LRATD1: variants seen among roughly 807,000 people sequenced by gnomAD.
LRATD1 encodes the protein protein LRATD1.
LRATD1 carries 8 observed loss-of-function variants against 21.3 expected under a neutral mutation model. The ratio of observed to expected loss-of-function variants is 0.38; its 90% CI spans 0.22 to 0.68. The LOEUF is 0.68. LRATD1 is among the 30% of genes least tolerant of loss of function. The pLI, the probability that LRATD1 is intolerant of heterozygous loss-of-function variation, is 0.54. For synonymous variants in LRATD1, 210 were observed against 186.2 expected (o/e 1.13, Z -1.04); for missense variants, 380 against 404.0 (o/e 0.94, Z 0.51).
chr2:14,644,325 G>C (rs1671859379), downstream of LRATD1, among the ~76,000 whole-genome samples: 1 of 151,958 alleles, frequency 6.6e-6, no homozygotes, highest in Non-Finnish European at 1.5e-5. Context: ...TGGCATATTT[G>C]GATGATGTTT....
chr2:14,644,179 C>T (rs1671857405), downstream of LRATD1, among the ~76,000 whole-genome samples: 1 of 151,868 alleles, frequency 6.6e-6, no homozygotes, highest in African/African-American at 2.4e-5. Context: ...GACAGGCCCA[C>T]TATTAGCTAT....
At chr2:14,651,540 A>G (rs1672005979), downstream of LRATD1, among the ~76,000 whole-genome samples, 1 of 152,036 alleles carries the variant, frequency 6.6e-6, no homozygotes. Flanking sequence ...CACAATTCCC[A>G]TCCATACTTG....
At chr2:14,647,460 T>C (rs1441877222) in intron 4 of LRATD1, among the ~76,000 whole-genome samples, 1 of 152,110 alleles carries the variant, frequency 6.6e-6, no homozygotes, top group African/African-American at 2.4e-5. Context: ...AATGAATATA[T>C]GAACTACTTG....
Position 14,639,485 on chromosome 2 carries a change from C to A in LRATD1, c.*4627C>A, listed in dbSNP as rs909520697. On this transcript the variant is annotated 3_prime_UTR_variant, in exon 2 of 2. Transcript: ENST00000295092. ...GAAGACACTAAAGAGAAGCTAAGAT[C>A]CTATCTTTCAATCATTTAGTAATTC... The A allele has an allele frequency of 2.4e-5, 4 of 166,882 alleles. No homozygotes were observed. Among genetic ancestry groups the A allele is most frequent in the African/African-American group, 9.6e-5 (4 of 41,558 alleles). 10.3% of individuals were successfully genotyped at this position (166,882 alleles called of 1,614,324 possible). A position where few individuals can be genotyped will look rare whatever the true frequency, so the allele number is the denominator to read the frequency against.
downstream of LRATD1, among the ~76,000 whole-genome samples, chr2:14,642,840 G>A (rs1275136046): frequency 6.6e-6 from 1 of 152,138 alleles, no homozygotes; most frequent in Non-Finnish European, 1.5e-5. Flanking sequence ...TTATATTGAT[G>A]TGTTCCTTGG....
chr2:14,633,889 C>G lies in LRATD1; in HGVS notation c.-36-55C>G. ...GCACTGCACGTCTTGGGGAGGGACA[C>G]CGAAAGGGGCAGCCCGGACTCTGAC... is the stretch of plus-strand genomic sequence containing the variant. On this transcript the variant is annotated intron_variant, in intron 1 of 1. Coordinates refer to ENST00000295092, the MANE Select transcript of LRATD1 (RefSeq NM_145175.4). This position sits in a 1 kb window ranked among gnomAD's most constrained non-coding sequence, Gnocchi z 7.5. 6.7e-7 allele frequency: 1 copy of G among 1,484,464 alleles called. No individual in the cohort carries two copies. The highest frequency in any genetic ancestry group is 9.1e-7 in the Non-Finnish European group (1 of 1,104,426). The allele number at this position is 1,484,464 out of a possible 1,614,324, so 92.0% of individuals were successfully genotyped here.
rs977039158 is a variant in LRATD1, at chr2:14,639,661, C to G, written c.*4803C>G. 6.0e-6 allele frequency: 1 copy of G among 167,122 alleles called. No homozygotes were observed. The highest frequency in any genetic ancestry group is 1.5e-5 in the Non-Finnish European group (1 of 68,126). 10.4% of individuals were successfully genotyped at this position (167,122 alleles called of 1,614,324 possible). On this transcript the variant is annotated 3_prime_UTR_variant, in exon 2 of 2. Coordinates refer to ENST00000295092, the MANE Select transcript of LRATD1 (RefSeq NM_145175.4). Reference sequence around the variant, plus strand: ...CCTGCCCTTGTCACTGATGGTGACACTACTTGTAATTACTGTATTTTTTGG... The same window carrying G: ...CCTGCCCTTGTCACTGATGGTGACAGTACTTGTAATTACTGTATTTTTTGG...
rs919415803 is a variant in LRATD1 at position 14,634,195 on chromosome 2, C to T, written c.216C>T (p.His72=). The T allele has an allele frequency of 6.2e-7, 1 of 1,613,294 alleles. No homozygotes were observed. The change falls in exon 2 of 2, where the codon CAC becomes CAT. Residue 72 remains histidine, a synonymous_variant. Transcript: ENST00000295092. The part of the protein sequence containing the change: ...TPCPESPSRH[H]HHLLHQLVLN... ...GCCCGGAGAGCCCCAGCCGCCACCA[C>T]CACCACCTGCTGCACCAGCTGGTCC...
At chr2:14,644,283 C>T (rs373294721), downstream of LRATD1, among the ~76,000 whole-genome samples, 5 of 152,056 alleles carry the variant, frequency 3.3e-5, no homozygotes, top group Non-Finnish European at 4.4e-5. Flanking sequence ...TGAAGGTATA[C>T]ATCAGCTTCA....
downstream of LRATD1, among the ~76,000 whole-genome samples, chr2:14,650,974 C>G (rs1671994590): frequency 6.6e-6 from 1 of 152,098 alleles, no homozygotes; most frequent in Admixed American, 6.6e-5. Flanking sequence ...ATGTTCATGG[C>G]CTGTCACAAT....
Position 14,634,867 on chromosome 2 carries a change from G to A in LRATD1, c.*9G>A, listed in dbSNP as rs1245177025. ...TGGACGACAAGGAGTAGCCGCCTAGGGGCTGCCGGCCCCTCTGCCTCCCCC... is the reference window on the plus strand; with the variant it reads ...TGGACGACAAGGAGTAGCCGCCTAGAGGCTGCCGGCCCCTCTGCCTCCCCC... On this transcript the variant is annotated 3_prime_UTR_variant, in exon 2 of 2. Transcript: ENST00000295092. The A allele has an allele frequency of 1.2e-6, 2 of 1,604,574 alleles. No homozygotes were observed.
chr2:14,633,805 A>G lies in LRATD1; in HGVS notation c.-36-139A>G. On this transcript the variant is annotated intron_variant, in intron 1 of 1. Transcript: ENST00000295092. The surrounding 1 kb of genome is among the most constrained non-coding windows in gnomAD (Gnocchi z 7.5). ...TCGTACCCCTGGGGAGGCACGGAGG[A>G]CTCGGCTGGAAAGGGTGACTCCGGT... 1.2e-6 allele frequency: 1 copy of G among 820,684 alleles called. No individual in the cohort carries two copies. The highest frequency in any genetic ancestry group is 2.7e-5 in the East Asian group (1 of 37,022). 50.8% of individuals were successfully genotyped at this position (820,684 alleles called of 1,614,324 possible).
At chr2:14,645,960 C>A (rs1353503378) in intron 2 of LRATD1, 1 of 152,172 alleles carries the variant, frequency 6.6e-6, no homozygotes, top group Non-Finnish European at 1.5e-5. Context: ...AAGGGGAAAA[C>A]ACCCAACTCA....
intron 2 of LRATD1, among the ~76,000 whole-genome samples, chr2:14,645,203 T>C (rs1671873000): frequency 6.6e-6 from 1 of 152,208 alleles, no homozygotes; most frequent in Non-Finnish European, 1.5e-5. Flanking sequence ...TAGCATTGGC[T>C]TTCTAAATGC....
In LRATD1 at chr2:14,635,037, C is replaced by A; in HGVS notation, c.*179C>A. ...TCCCCAAGCCAGCGGCAGGAAGTCT[C>A]AGGAACTGCCCCAGGGCCGAAAGGG... is the stretch of plus-strand genomic sequence containing the variant. On this transcript the variant is annotated 3_prime_UTR_variant, in exon 2 of 2. Transcript: ENST00000295092. The A allele has an allele frequency of 1.1e-6, 1 of 926,830 alleles. No homozygotes were observed. The highest frequency in any genetic ancestry group is 1.7e-6 in the Non-Finnish European group (1 of 587,048). The allele number at this position is 926,830 out of a possible 1,614,324, so 57.4% of individuals were successfully genotyped here. A position where few individuals can be genotyped will look rare whatever the true frequency, so the allele number is the denominator to read the frequency against.
chr2:14,647,420 C>T (rs1271722143), intron 4 of LRATD1, among the ~76,000 whole-genome samples: 1 of 152,018 alleles, frequency 6.6e-6, no homozygotes, highest in Non-Finnish European at 1.5e-5. Flanking sequence ...TAGAGGTGCT[C>T]TGAGGACAAT....
In LRATD1 at chr2:14,634,478, T is replaced by G; in HGVS notation, c.499T>G (p.Tyr167Asp). The G allele has an allele frequency of 6.6e-7, 1 of 1,514,580 alleles. No individual in the cohort carries two copies. Among genetic ancestry groups the G allele is most frequent in the Non-Finnish European group, 8.8e-7 (1 of 1,133,102 alleles). 93.8% of individuals were successfully genotyped at this position (1,514,580 alleles called of 1,614,324 possible). ...HQGEIRQDSL[Y>D]EAGAANVGRV... is the part of the protein sequence containing the mutation. ...AGGCGAGATCCGCCAGGACAGCCTG[T>G]ATGAGGCGGGCGCGGCCAACGTGGG... The change falls in exon 2 of 2, where the codon TAT (tyrosine) becomes GAT (aspartate). Residue 167 changes from tyrosine to aspartate, a missense_variant. Transcript: ENST00000295092.
downstream of LRATD1, among the ~76,000 whole-genome samples, chr2:14,643,313 T>A (rs1005279295): frequency 1.3e-5 from 2 of 152,166 alleles, no homozygotes; most frequent in African/African-American, 4.8e-5. Context: ...AAACAAAGGC[T>A]CTAAATCCAG....
At chr2:14,651,730 G>A (rs1244938977), downstream of LRATD1, among the ~76,000 whole-genome samples, 1 of 151,250 alleles carries the variant, frequency 6.6e-6, no homozygotes, top group African/African-American at 2.4e-5. Context: ...TATCTGATAG[G>A]GTTTTCATTT....
Sources: allele counts gnomAD v4.1 joint callset (sites outside exome capture counted in the v4.1 genomes callset), GRCh38; gene constraint gnomAD v4.1.1; non-coding constraint Gnocchi (gnomAD v3.1); transcripts MANE v1.5; gene names NCBI Gene and HGNC (gene_info 2026-07-23, HGNC 2026-07-21).